The following SCML4 variants were observed in gnomAD, a reference collection of about 807,000 sequenced individuals.
The protein encoded by SCML4 is sex comb on midleg-like protein 4.
A neutral mutation model predicts 41.1 loss-of-function variants in SCML4; 34 were observed. That is an observed-to-expected ratio of 0.83 (90% CI 0.63 to 1.10). SCML4 has a LOEUF of 1.10. Ranked by LOEUF, SCML4 falls within the 50% of genes least tolerant of loss-of-function variation. SCML4 has a pLI of 0.00. For missense variants in SCML4, 522 were observed against 534.1 expected (o/e 0.98, Z 0.22); for synonymous variants, 214 against 220.9 (o/e 0.97, Z 0.28).
chr6:107,722,734 T>C (rs1267526310), intron 5 of SCML4, among the ~76,000 whole-genome samples: 6 of 152,188 alleles, frequency 3.9e-5, no homozygotes, highest in Non-Finnish European at 8.8e-5. Flanking sequence ...TTCTCATAGT[T>C]GGGGATGGAT....
chr6:107,820,688 C>T (rs1784881987), intron 1 of SCML4, among the ~76,000 whole-genome samples: 3 of 152,132 alleles, frequency 2.0e-5, no homozygotes, highest in African/African-American at 7.2e-5. Flanking sequence ...ACGCTTAGAA[C>T]CCACGGGCTG....
At chr6:107,775,917 G>A (rs980566025) in intron 1 of SCML4, among the ~76,000 whole-genome samples, 6 of 151,984 alleles carry the variant, frequency 3.9e-5, no homozygotes, top group Non-Finnish European at 5.9e-5. Flanking sequence ...ATCAAGACAC[G>A]AAAGTGCAAC....
At chr6:107,742,357 G>C (rs1777664473) in intron 5 of SCML4, among the ~76,000 whole-genome samples, 1 of 152,176 alleles carries the variant, frequency 6.6e-6, no homozygotes, top group African/African-American at 2.4e-5. Context: ...GCAAGAACAA[G>C]GGGTAGGGAG....
intron 5 of SCML4, among the ~76,000 whole-genome samples, chr6:107,741,295 G>A (rs1167427623): frequency 6.6e-6 from 1 of 152,142 alleles, no homozygotes; most frequent in Admixed American, 6.5e-5. Flanking sequence ...CCACGTTCAA[G>A]TCCCTCCCTC....
Position 107,723,585 on chromosome 6 carries a change from A to G in SCML4, c.683-2592T>C, listed in dbSNP as rs140982261. ...ATAACTTAGATAAAATGAACAAACT[A>G]CTAAAACTGACTTAAGAAGAAAAAG... On this transcript the variant is annotated intron_variant, in intron 5 of 7. Transcript: ENST00000369020. Among the ~76,000 whole-genome samples, 29 of 152,330 alleles carry G rather than the reference A, an allele frequency of 1.9e-4. No individual in the cohort carries two copies. The East Asian group carries it at 5.6e-3, about 29-fold the overall frequency.
At chr6:107,717,609 G>A (rs1054105745) in intron 6 of SCML4, among the ~76,000 whole-genome samples, 7 of 152,106 alleles carry the variant, frequency 4.6e-5, no homozygotes, top group East Asian at 1.9e-4. Context: ...GTGCAGTGGC[G>A]CAATCTCTGC....
chr6:107,766,198 C>T lies in SCML4; in HGVS notation c.156+5974G>A, dbSNP rs542967660. On this transcript the variant is annotated intron_variant, in intron 2 of 7. Transcript: ENST00000369020. ...CAGGCTGGTCAACATGGTGAAATCCCGTCTCTACTAAAAATACAAAAATTA... is the reference window on the plus strand; with the variant it reads ...CAGGCTGGTCAACATGGTGAAATCCTGTCTCTACTAAAAATACAAAAATTA... 9.9e-5 allele frequency among the ~76,000 whole-genome samples: 15 copies of T among 152,088 alleles called. No individual in the cohort carries two copies. The South Asian group carries it at 1.9e-3, about 19-fold the overall frequency.
chr6:107,707,061 C>T (rs1230130766), intron 7 of SCML4, among the ~76,000 whole-genome samples: 11 of 152,270 alleles, frequency 7.2e-5, no homozygotes, highest in East Asian at 1.9e-4. Flanking sequence ...CAGTGCCATG[C>T]GCGGTGGCTC....
chr6:107,772,485 C>A (rs1444315344), intron 1 of SCML4, 99 bp from the exon 2 acceptor site: 4 of 632,680 alleles, frequency 6.3e-6, no homozygotes, highest in African/African-American at 1.8e-5. Context: ...GCGATACCTA[C>A]CACTTATTGG....
At chr6:107,820,207 A>T (rs1482860878) in intron 1 of SCML4, among the ~76,000 whole-genome samples, 1 of 152,184 alleles carries the variant, frequency 6.6e-6, no homozygotes, top group African/African-American at 2.4e-5. Context: ...GAGAAGCAGG[A>T]GCCCAGCAAT....
chr6:107,822,398 G>A (rs9486728), intron 1 of SCML4, among the ~76,000 whole-genome samples: 9,914 of 151,826 alleles, frequency 0.065, 1,099 homozygotes, highest in African/African-American at 0.23. Context: ...CCCTCGCCTC[G>A]AAAACACACC....
intron 5 of SCML4, among the ~76,000 whole-genome samples, chr6:107,742,251 A>G (rs1405387121): frequency 6.6e-6 from 1 of 152,172 alleles, no homozygotes; most frequent in East Asian, 1.9e-4. Context: ...AGAAAAAAGG[A>G]AAAAGGATGA....
chr6:107,814,447 T>C (rs1784419247), intron 1 of SCML4, among the ~76,000 whole-genome samples: 1 of 152,270 alleles, frequency 6.6e-6, no homozygotes, highest in Non-Finnish European at 1.5e-5. Context: ...GTTTCTGGGC[T>C]GCTGTGTGGA....
At chr6:107,745,395 C>A (rs1047959126) in intron 4 of SCML4, 3 of 453,902 alleles carry the variant, frequency 6.6e-6, no homozygotes, top group Non-Finnish European at 1.2e-5. Context: ...CCTTGTTTTT[C>A]ATCACTCTAA....
intron 1 of SCML4, among the ~76,000 whole-genome samples, chr6:107,776,629 G>T (rs1293100907): frequency 1.3e-5 from 2 of 152,138 alleles, no homozygotes; most frequent in African/African-American, 4.8e-5. Flanking sequence ...GTTGGCAAGG[G>T]TACAAATTGG....
At chr6:107,819,562 C>G (rs1265983872) in intron 1 of SCML4, among the ~76,000 whole-genome samples, 1 of 151,980 alleles carries the variant, frequency 6.6e-6, no homozygotes, top group Non-Finnish European at 1.5e-5. Flanking sequence ...CTCAGCCCAG[C>G]CAATTTCTCA....
intron 1 of SCML4, among the ~76,000 whole-genome samples, chr6:107,785,230 C>G (rs1311636250): frequency 6.6e-6 from 1 of 152,210 alleles, no homozygotes; most frequent in Non-Finnish European, 1.5e-5. Flanking sequence ...TAAACAAACG[C>G]TTTAAGGGCT....
the SCML4 span, among the ~76,000 whole-genome samples, chr6:107,842,985 T>C: frequency 6.6e-6 from 1 of 152,130 alleles, no homozygotes; most frequent in Non-Finnish European, 1.5e-5. Context: ...GGTTAATGCT[T>C]ACATGGTGTT....
chr6:107,796,264 A>G (rs1309730125), intron 1 of SCML4, among the ~76,000 whole-genome samples: 4 of 152,130 alleles, frequency 2.6e-5, no homozygotes, highest in Non-Finnish European at 5.9e-5. Flanking sequence ...TCCAATGGTT[A>G]TACCATTTTC....
Sources: gnomAD v4.1 joint callset for allele counts (sites outside exome capture counted in the v4.1 genomes callset) on GRCh38, gnomAD v4.1.1 for gene constraint, MANE v1.5 for transcripts, NCBI Gene and HGNC (gene_info 2026-07-23, HGNC 2026-07-21) for gene names.